PPL: variants seen among roughly 807,000 people sequenced by gnomAD.
PPL encodes the protein 190 kDa paraneoplastic pemphigus antigen.
Under a neutral mutation model 194.4 loss-of-function variants are expected in PPL, and 198 were observed. The observed-to-expected ratio is 1.02, with a 90% CI of 0.91 to 1.15. PPL has a LOEUF of 1.15. Among genes scored for constraint, PPL ranks in the 50% most tolerant of loss-of-function variants. The probability of loss-of-function intolerance (pLI) is 0.00; values close to 1 mark genes in which losing one functional copy is unlikely to be tolerated. For synonymous variants in PPL, 1,220 were observed against 972.4 expected (o/e 1.25, Z -4.74); for missense variants, 2,885 against 2,294.8 (o/e 1.26, Z -5.25).
rs779957178 is a variant in PPL, at chr16:4,901,081, C to T, written c.447G>A (p.Leu149=). 1 of 1,614,096 alleles carries T rather than the reference C, an allele frequency of 6.2e-7. No individual in the cohort carries two copies. The highest frequency in any genetic ancestry group is 2.2e-5 in the East Asian group (1 of 44,876). ...AALVEEKLDK[L]NNQSFGTDLP... is the part of the protein sequence containing the mutation. The stretch of plus-strand genomic sequence containing the variant: ...GGTCAGTCCCAAAGCTCTGGTTGTT[C>T]AGCTTGTCCTGGCCAGGAGGGCAGA... The change falls in exon 5 of 22, where the codon CTG becomes CTA. Residue 149 remains leucine, a synonymous_variant. Transcript: ENST00000345988.
intron 16 of PPL, 109 bp downstream of exon 16, chr16:4,891,702 T>C (rs2142341164): frequency 7.1e-7 from 1 of 1,408,860 alleles, no homozygotes; most frequent in South Asian, 1.4e-5. Flanking sequence ...ATTCCAAACC[T>C]GGGGAGACTG....
chr16:4,895,977 C>G (rs933251125), intron 9 of PPL, among the ~76,000 whole-genome samples: 1 of 152,224 alleles, frequency 6.6e-6, no homozygotes, highest in African/African-American at 2.4e-5. Flanking sequence ...GACATGTTTT[C>G]TTGGATGTAT....
chr16:4,923,111 G>A (rs946464808), intron 1 of PPL, among the ~76,000 whole-genome samples: 8 of 152,152 alleles, frequency 5.3e-5, no homozygotes, highest in Admixed American at 1.3e-4. Context: ...TCTTCCGTCC[G>A]CATAAGGGAA....
At chr16:4,931,041 C>T (rs2089219379) in intron 1 of PPL, among the ~76,000 whole-genome samples, 1 of 152,124 alleles carries the variant, frequency 6.6e-6, no homozygotes, top group South Asian at 2.1e-4. Flanking sequence ...GCTGCTGGCT[C>T]TGCAGGCAGG....
At chr16:4,933,293 T>C (rs2089249199) in intron 1 of PPL, among the ~76,000 whole-genome samples, 1 of 152,134 alleles carries the variant, frequency 6.6e-6, no homozygotes, top group African/African-American at 2.4e-5. Flanking sequence ...GCAGGAGCGC[T>C]CCATCAGGGC....
At chr16:4,923,065 G>C (rs1172842782) in intron 1 of PPL, among the ~76,000 whole-genome samples, 2 of 152,122 alleles carry the variant, frequency 1.3e-5, no homozygotes, top group African/African-American at 4.8e-5. Context: ...TTGGGGATTT[G>C]AAGGGTACAG....
intron 1 of PPL, among the ~76,000 whole-genome samples, chr16:4,921,464 G>A (rs1037751437): frequency 1.4e-4 from 21 of 152,064 alleles, no homozygotes; most frequent in African/African-American, 5.1e-4. Context: ...GACACAGCCC[G>A]ACCTGCTTTA....
chr16:4,891,669 C>T, intron 16 of PPL, 142 bp downstream of exon 16: 1 of 1,049,272 alleles, frequency 9.5e-7, no homozygotes, highest in South Asian at 1.7e-5. Flanking sequence ...TGTGGGCCTC[C>T]ATTTGCAGTT....
chr16:4,890,318 T>TCTGTAGGCTCTGCGCC lies in PPL; in HGVS notation c.2163_2178dup (p.Ser727GlyfsTer19). 5.0e-6 allele frequency: 8 copies of TCTGTAGGCTCTGCGCC among 1,613,424 alleles called. No individual in the cohort carries two copies. The highest frequency in any genetic ancestry group is 6.8e-6 in the Non-Finnish European group (8 of 1,179,824). ...AAGTGCTCGTAGGCTGCCTTGGCGCTCTGTAGGCTCTGCGCCCTGTCAAGG... is the reference window on the plus strand; with the variant it reads ...AAGTGCTCGTAGGCTGCCTTGGCGCTCTGTAGGCTCTGCGCCCTGTAGGCTCTGCGCCCTGTCAAGG... On this transcript the variant is annotated frameshift_variant, in exon 18 of 22. Transcript: ENST00000345988. LOFTEE classifies it high-confidence loss of function.
chr16:4,917,242 C>T (rs1391732043), intron 1 of PPL, among the ~76,000 whole-genome samples: 1 of 152,180 alleles, frequency 6.6e-6, no homozygotes, highest in Non-Finnish European at 1.5e-5. Context: ...GCCTTTTGGC[C>T]TCCACTTTTT....
At chr16:4,935,899 G>A (rs1347457265) in intron 1 of PPL, among the ~76,000 whole-genome samples, 1 of 152,154 alleles carries the variant, frequency 6.6e-6, no homozygotes, top group South Asian at 2.1e-4. Flanking sequence ...CCAGACAGGA[G>A]AGCCATGTAA....
chr16:4,890,333 C>T lies in PPL; in HGVS notation c.2164G>A (p.Ala722Thr), dbSNP rs2088296005. Residue 722 changes from alanine (A) to threonine (T), a missense_variant and splice_region_variant, in exon 18 of 22, where the codon GCG becomes ACG. Coordinates refer to ENST00000345988, the MANE Select transcript of PPL (RefSeq NM_002705.5). ...NNLRQQVERR[A>T]QSLQSAKAAY... ...GCCTTGGCGCTCTGTAGGCTCTGCGCCCTGTCAAGGCAAAGCGTTCAGGCC... is the reference window on the plus strand; with the variant it reads ...GCCTTGGCGCTCTGTAGGCTCTGCGTCCTGTCAAGGCAAAGCGTTCAGGCC... 6.2e-7 allele frequency: 1 copy of T among 1,611,328 alleles called. No individual in the cohort carries two copies. The highest frequency in any genetic ancestry group is 1.3e-5 in the African/African-American group (1 of 74,994).
At chr16:4,891,991 C>T (rs746540661) in intron 15 of PPL, 42 bp from the exon 16 acceptor site, 1 of 1,611,014 alleles carries the variant, frequency 6.2e-7, no homozygotes, top group South Asian at 1.1e-5. Flanking sequence ...CCACCTGGCC[C>T]CCTGACCCCA....
At position 4,902,165 on chromosome 16, in the gene PPL, C is replaced by T. The variant is rs533814383; in HGVS notation, c.438+241G>A. 2.0e-5 allele frequency among the ~76,000 whole-genome samples: 3 copies of T among 152,280 alleles called. No individual in the cohort carries two copies. Among genetic ancestry groups the T allele is most frequent in the East Asian group, 1.9e-4 (1 of 5,182 alleles). ...GGAAAGTGGGACCCAGGAGCAGCAG[C>T]GAGGTGTGGCTGACAGGGGACAGAG... On this transcript the variant is annotated intron_variant, in intron 4 of 21. Transcript: ENST00000345988. This position sits in a 1 kb window ranked among gnomAD's most constrained non-coding sequence, Gnocchi z 4.0.
intron 1 of PPL, among the ~76,000 whole-genome samples, chr16:4,936,332 C>T (rs746755830): frequency 5.3e-5 from 8 of 152,138 alleles, no homozygotes; most frequent in Non-Finnish European, 1.0e-4. Flanking sequence ...TCCCCCTGTG[C>T]CCCTCGACCC....
rs2088806792 is a variant in PPL at position 4,910,900 on chromosome 16, C to A, written c.112G>T (p.Ala38Ser). The A allele has an allele frequency of 1.9e-6, 3 of 1,613,832 alleles. No individual in the cohort carries two copies. Among genetic ancestry groups the A allele is most frequent in the Non-Finnish European group, 2.5e-6 (3 of 1,180,030 alleles). ...SELIEQLQKN[A>S]DQVEKNIVDT... ...ACGATGTTCTTCTCCACCTGGTCGG[C>A]ATTCTTCTGCAGCTGCTCGATCAGC... Residue 38 changes from alanine to serine, a missense_variant, in exon 2 of 22, where the codon GCC (alanine) becomes TCC (serine). Ala to Ser is a moderately conservative substitution (Grantham distance 99, BLOSUM62 1). Coordinates refer to ENST00000345988, the MANE Select transcript of PPL (RefSeq NM_002705.5).
intron 19 of PPL, among the ~76,000 whole-genome samples, 199 bp from the exon 20 acceptor site, chr16:4,888,417 T>C (rs189413729): frequency 2.3e-4 from 35 of 152,342 alleles, no homozygotes; most frequent in Middle Eastern, 3.4e-3. Flanking sequence ...CAGCAGTACA[T>C]AGCTCCATCA....
intron 1 of PPL, among the ~76,000 whole-genome samples, chr16:4,915,057 C>G (rs767047548): frequency 1.3e-5 from 2 of 152,242 alleles, no homozygotes; most frequent in East Asian, 1.9e-4. Context: ...GGGCCTTTGT[C>G]TCTCTTGGGC....
intron 1 of PPL, among the ~76,000 whole-genome samples, chr16:4,916,435 C>T (rs531603477): frequency 3.4e-4 from 52 of 152,230 alleles, no homozygotes; most frequent in African/African-American, 1.2e-3. Context: ...TGGTCTCGAA[C>T]TCCTGACCTC....
Sources: allele counts gnomAD v4.1 joint callset (sites outside exome capture counted in the v4.1 genomes callset), GRCh38; gene constraint gnomAD v4.1.1; non-coding constraint Gnocchi (gnomAD v3.1); transcripts MANE v1.5; gene names NCBI Gene and HGNC (gene_info 2026-07-23, HGNC 2026-07-21).